Variants in CCDC169 observed in about 807,000 individuals in gnomAD.
The protein encoded by CCDC169 is coiled-coil domain-containing protein 169.
CCDC169 carries 30 observed loss-of-function variants against 36.0 expected under a neutral mutation model. The ratio of observed to expected loss-of-function variants is 0.83; its 90% CI spans 0.62 to 1.13. The LOEUF (loss-of-function observed/expected upper bound fraction) is 1.13, where lower values mean the gene tolerates loss of function less well. Ranked by LOEUF, CCDC169 falls within the 50% of genes most tolerant of loss-of-function variation. CCDC169 has a pLI of 0.00. For missense variants in CCDC169, 245 were observed against 245.9 expected (o/e 1.00, Z 0.03); for synonymous variants, 85 against 81.5 (o/e 1.04, Z -0.23).
At chr13:36,247,707 C>A (rs946843022) in intron 7 of CCDC169, among the ~76,000 whole-genome samples, 5 of 152,112 alleles carry the variant, frequency 3.3e-5, no homozygotes. Context: ...TACAGATGAG[C>A]AAAGAAAGTG....
intron 4 of CCDC169, among the ~76,000 whole-genome samples, chr13:36,276,707 G>C (rs1365977272): frequency 2.0e-5 from 3 of 152,178 alleles, no homozygotes; most frequent in African/African-American, 4.8e-5. Flanking sequence ...TTATGACTCT[G>C]AATGAGTCAA....
intron 4 of CCDC169, among the ~76,000 whole-genome samples, chr13:36,270,196 A>G (rs1875849865): frequency 6.9e-6 from 1 of 144,418 alleles, no homozygotes; most frequent in Admixed American, 7.1e-5. Flanking sequence ...CAAAACAACA[A>G]CTAGGAATAT....
At chr13:36,253,936 C>T (rs1484691302) in intron 5 of CCDC169, 80 bp from the exon 6 acceptor site, 14 of 1,436,710 alleles carry the variant, frequency 9.7e-6, no homozygotes, top group Non-Finnish European at 1.2e-5. Flanking sequence ...AGGTGTATGT[C>T]TCTATAGTGT....
intron 7 of CCDC169, among the ~76,000 whole-genome samples, chr13:36,231,832 A>G (rs1292861289): frequency 6.6e-6 from 1 of 152,138 alleles, no homozygotes; most frequent in Non-Finnish European, 1.5e-5. Context: ...TTTTTCTTGT[A>G]TAAGAGCCAT....
At chr13:36,295,141 T>C (rs574314795) in intron 2 of CCDC169, among the ~76,000 whole-genome samples, 1 of 152,296 alleles carries the variant, frequency 6.6e-6, no homozygotes, top group East Asian at 1.9e-4. Flanking sequence ...TCACCCGAAT[T>C]CTGTTAGGTT....
chr13:36,248,191 CTT>C (rs1417715838), intron 7 of CCDC169, among the ~76,000 whole-genome samples: 1 of 152,002 alleles, frequency 6.6e-6, no homozygotes, highest in Non-Finnish European at 1.5e-5. Context: ...ATAAAAAAAA[CTT>C]TTATATATAC....
intron 4 of CCDC169, among the ~76,000 whole-genome samples, chr13:36,259,253 C>G (rs1209806407): frequency 6.6e-6 from 1 of 152,126 alleles, no homozygotes; most frequent in Non-Finnish European, 1.5e-5. Context: ...CTGTCTCCCC[C>G]TCAGAGCCAC....
At chr13:36,280,937 G>C in intron 4 of CCDC169, 1 of 159,372 alleles carries the variant, frequency 6.3e-6, no homozygotes. Context: ...ATATTTCCTA[G>C]CCTGTCATGC....
chr13:36,241,081 ATAT>A (rs1566061825), intron 7 of CCDC169, among the ~76,000 whole-genome samples: 2 of 152,128 alleles, frequency 1.3e-5, no homozygotes, highest in Admixed American at 1.3e-4. Context: ...ATAATAGTTA[ATAT>A]TATATCAGGC....
chr13:36,274,868 ATTTTTT>A (rs3083971), intron 4 of CCDC169, among the ~76,000 whole-genome samples: 32 of 118,508 alleles, frequency 2.7e-4, no homozygotes, highest in African/African-American at 8.4e-4. Context: ...CATTAGCTGC[ATTTTTT>A]TTTTTTTTTT....
At chr13:36,239,199 C>T (rs1489901748) in intron 7 of CCDC169, among the ~76,000 whole-genome samples, 1 of 151,382 alleles carries the variant, frequency 6.6e-6, no homozygotes, top group Non-Finnish European at 1.5e-5. Context: ...CATTGTACCA[C>T]TGCACTGTAG....
At chr13:36,223,442 T>C (rs2138354518), downstream of CCDC169, 1 of 152,318 alleles carries the variant, frequency 6.6e-6, no homozygotes, top group South Asian at 2.1e-4. Context: ...CAAATTGCTT[T>C]AATAAAGTTA....
intron 4 of CCDC169, among the ~76,000 whole-genome samples, chr13:36,266,261 G>A (rs1050164713): frequency 2.6e-5 from 4 of 152,142 alleles, no homozygotes; most frequent in Non-Finnish European, 2.9e-5. Flanking sequence ...AAGCAGGGGA[G>A]GAGGTGGGTG....
At chr13:36,292,019 G>A (rs1004548824) in intron 2 of CCDC169, among the ~76,000 whole-genome samples, 16 of 142,232 alleles carry the variant, frequency 1.1e-4, no homozygotes, top group African/African-American at 2.6e-4. Flanking sequence ...ATGGAGTCTC[G>A]TTCTTGTCAT....
In CCDC169 at chr13:36,283,205, T is replaced by C. The variant is rs1031951744; in HGVS notation, c.315+264A>G. Reference sequence around the variant, plus strand: ...AGCAAAAACACAGTATTTGTCTATATCTTTCTCTGAAGGTTGGCGGTGATT... The same window carrying C: ...AGCAAAAACACAGTATTTGTCTATACCTTTCTCTGAAGGTTGGCGGTGATT... On this transcript the variant is annotated intron_variant, in intron 4 of 7. Transcript: ENST00000239859. The C allele has an allele frequency of 5.3e-5, 24 of 452,718 alleles. No individual in the cohort carries two copies. The South Asian group carries it at 9.2e-4, about 17-fold the overall frequency. The allele number at this position is 452,718 out of a possible 1,614,324, so 28.0% of individuals were successfully genotyped here. A position where few individuals can be genotyped will look rare whatever the true frequency, so the allele number is the denominator to read the frequency against.
chr13:36,257,578 C>T (rs1358669704), intron 4 of CCDC169, among the ~76,000 whole-genome samples: 2 of 152,118 alleles, frequency 1.3e-5, no homozygotes, highest in Non-Finnish European at 2.9e-5. Flanking sequence ...TGGCAAACGC[C>T]TGTAGTCCCA....
At chr13:36,227,304 GC>G (rs1869942268), downstream of CCDC169, 1 of 1,551,356 alleles carries the variant, frequency 6.4e-7, no homozygotes, top group Non-Finnish European at 8.7e-7. Flanking sequence ...CTCTGGTCCA[GC>G]CACACCTGCA....
At chr13:36,283,436 T>C in intron 4 of CCDC169, 33 bp downstream of exon 4, 1 of 1,529,874 alleles carries the variant, frequency 6.5e-7, no homozygotes, top group Non-Finnish European at 8.8e-7. Flanking sequence ...TTTCCTTCAA[T>C]TATTCTTTGT....
chr13:36,246,136 C>G (rs571793955), intron 7 of CCDC169, among the ~76,000 whole-genome samples: 1 of 152,146 alleles, frequency 6.6e-6, no homozygotes, highest in African/African-American at 2.4e-5. Flanking sequence ...TGAAATTAGG[C>G]CAATTAATAA....
Sources: allele counts gnomAD v4.1 joint callset (sites outside exome capture counted in the v4.1 genomes callset), GRCh38; gene constraint gnomAD v4.1.1; transcripts MANE v1.5; gene names NCBI Gene and HGNC (gene_info 2026-07-23, HGNC 2026-07-21).